PM20D2: variants seen among roughly 807,000 people sequenced by gnomAD.
The protein encoded by PM20D2 is peptidase M20 domain containing 2.
A neutral mutation model predicts 42.9 loss-of-function variants in PM20D2; 33 were observed. The ratio of observed to expected loss-of-function variants is 0.77; its 90% confidence interval spans 0.58 to 1.03. The LOEUF (loss-of-function observed/expected upper bound fraction) is 1.03. PM20D2 is among the 50% of genes least tolerant of loss of function. The pLI is 0.00. For synonymous variants in PM20D2, 250 were observed against 228.2 expected (o/e 1.10, Z -0.86); for missense variants, 548 against 557.0 (o/e 0.98, Z 0.16).
the PM20D2 span, among the ~76,000 whole-genome samples, chr6:89,117,040 C>T: frequency 6.6e-6 from 1 of 152,016 alleles, no homozygotes; most frequent in African/African-American, 2.4e-5. Flanking sequence ...CCTCTCCCCC[C>T]GCCCCCAATT....
the PM20D2 span, chr6:89,107,394 A>G: frequency 1.5e-6 from 1 of 661,734 alleles, no homozygotes; most frequent in Non-Finnish European, 2.6e-6. Flanking sequence ...TTTTTGTAAG[A>G]ATCATGCAAG....
the PM20D2 span, among the ~76,000 whole-genome samples, chr6:89,102,194 A>T: frequency 6.6e-6 from 1 of 152,074 alleles, no homozygotes; most frequent in Non-Finnish European, 1.5e-5. Context: ...CTCAGGCTGG[A>T]GTGCAGTGGG....
the PM20D2 span, chr6:89,117,702 G>C: frequency 2.0e-6 from 2 of 1,007,432 alleles, no homozygotes; most frequent in Non-Finnish European, 2.7e-6. Context: ...GCGCAGCCTG[G>C]GCCCGCGGGG....
intron 4 of PM20D2, among the ~76,000 whole-genome samples, chr6:89,157,880 G>A (rs1234944689): frequency 2.6e-5 from 4 of 152,162 alleles, no homozygotes; most frequent in East Asian, 1.9e-4. Context: ...GGTGGCAGGC[G>A]CCTGTAATCC....
At chr6:89,129,482 C>T in the PM20D2 span, among the ~76,000 whole-genome samples, 1 of 152,038 alleles carries the variant, frequency 6.6e-6, no homozygotes, top group East Asian at 1.9e-4. Flanking sequence ...GAGTGAGATC[C>T]TGTCTCTAAA....
the PM20D2 span, among the ~76,000 whole-genome samples, chr6:89,127,613 C>T: frequency 6.6e-6 from 1 of 152,176 alleles, no homozygotes; most frequent in African/African-American, 2.4e-5. Context: ...CAGGCCAGAG[C>T]CACTGCACCT....
At chr6:89,098,624 C>T in the PM20D2 span, 25 of 1,613,324 alleles carry the variant, frequency 1.5e-5, no homozygotes, top group South Asian at 9.9e-5. Context: ...GGAATGTGAC[C>T]GAAAATGAGA....
chr6:89,117,711 G>T, the PM20D2 span: 7 of 1,096,106 alleles, frequency 6.4e-6, no homozygotes, highest in East Asian at 1.0e-4. Context: ...GGGCCCGCGG[G>T]GAGGCTCCGC....
At chr6:89,159,488 C>A (rs1771162858) in intron 5 of PM20D2, among the ~76,000 whole-genome samples, 1 of 152,134 alleles carries the variant, frequency 6.6e-6, no homozygotes, top group Non-Finnish European at 1.5e-5. Flanking sequence ...TAGTATAAGA[C>A]CAGTGGTACC....
chr6:89,125,909 A>G, the PM20D2 span, among the ~76,000 whole-genome samples: 2 of 151,616 alleles, frequency 1.3e-5, no homozygotes, highest in Non-Finnish European at 2.9e-5. Context: ...AACATGGCAA[A>G]ACCCCATCTC....
chr6:89,099,385 G>C, the PM20D2 span, among the ~76,000 whole-genome samples: 6 of 66,960 alleles, frequency 9.0e-5, no homozygotes, highest in Admixed American at 1.5e-4. Context: ...ATAGAAAACA[G>C]CTCTCTCTCT....
At chr6:89,113,734 C>T in the PM20D2 span, among the ~76,000 whole-genome samples, 1,080 of 152,264 alleles carry the variant, frequency 7.1e-3, 15 homozygotes, top group African/African-American at 0.025. Context: ...GCCTCGACCA[C>T]CTGGGCTCAG....
In PM20D2 at chr6:89,155,593, G is replaced by A. The variant is rs1256300837; in HGVS notation, c.912+691G>A. ...GCATGAACCACCTCGCCCAGCCAGC[G>A]AAAGCCATTTCTGAAGTTAGGGTGT... On this transcript the variant is annotated intron_variant, in intron 4 of 6. Transcript: ENST00000275072. 3.3e-5 allele frequency among the ~76,000 whole-genome samples: 5 copies of A among 152,050 alleles called. No individual in the cohort carries two copies. In the East Asian group the frequency reaches 7.7e-4, roughly 23 times the overall value.
chr6:89,103,385 G>C, the PM20D2 span, among the ~76,000 whole-genome samples: 1 of 151,190 alleles, frequency 6.6e-6, no homozygotes, highest in African/African-American at 2.4e-5. Context: ...CTGGAGAGCA[G>C]TGGCGTGATC....
At chr6:89,146,908 G>A (rs1770597522) in intron 1 of PM20D2, among the ~76,000 whole-genome samples, 1 of 152,222 alleles carries the variant, frequency 6.6e-6, no homozygotes, top group Non-Finnish European at 1.5e-5. Context: ...CCCAAGCCTG[G>A]TGTTTGTTAC....
the PM20D2 span, among the ~76,000 whole-genome samples, chr6:89,117,523 G>C: frequency 3.5e-3 from 531 of 152,292 alleles, 6 homozygotes; most frequent in African/African-American, 0.012. Context: ...TCGGGAGAGG[G>C]GCGCCCCGTG....
At chr6:89,103,258 T>G in the PM20D2 span, among the ~76,000 whole-genome samples, 1 of 152,178 alleles carries the variant, frequency 6.6e-6, no homozygotes, top group Non-Finnish European at 1.5e-5. Context: ...ATATCCACCT[T>G]ATTTAAATCA....
At chr6:89,143,191 T>A (rs934412099), upstream of PM20D2, among the ~76,000 whole-genome samples, 2 of 152,244 alleles carry the variant, frequency 1.3e-5, no homozygotes, top group Non-Finnish European at 2.9e-5. Context: ...ATTCAAAGAA[T>A]ATAAACCATA....
Position 89,158,347 on chromosome 6 carries a change from A to T in PM20D2, c.935A>T (p.His312Leu), listed in dbSNP as rs1445058014. ...TAGGTGGAAATTAAAGGTGGAGCAC[A>T]TGATTATTACAATGTTCTTCCCAAT... ...GCTVEIKGGA[H>L]DYYNVLPNKS... Residue 312 changes from histidine to leucine, a missense_variant, in exon 5 of 7, where the codon CAT becomes CTT. By Grantham distance (99) the His-to-Leu change is moderately conservative. Around this residue, in one of 3 missense-constraint regions of PM20D2, gnomAD observed 470 missense variants for 464.4 expected, o/e 1.01. Coordinates refer to ENST00000275072, the MANE Select transcript of PM20D2 (RefSeq NM_001010853.3). 1 of 1,590,642 alleles carries T rather than the reference A, an allele frequency of 6.3e-7. No individual in the cohort carries two copies. Among genetic ancestry groups the T allele is most frequent in the African/African-American group, 1.4e-5 (1 of 73,204 alleles).
Sources: allele counts gnomAD v4.1 joint callset (sites outside exome capture counted in the v4.1 genomes callset), GRCh38; gene constraint gnomAD v4.1.1; regional missense constraint gnomAD v4.1.1; transcripts MANE v1.5; gene names NCBI Gene and HGNC (gene_info 2026-07-23, HGNC 2026-07-21).